POT1: variants seen among roughly 807,000 people sequenced by gnomAD.
POT1 encodes the protein protection of telomeres 1, also known as protection of telomeres protein 1.
Under a neutral mutation model 78.5 loss-of-function variants are expected in POT1, and 47 were observed. That is an observed-to-expected ratio of 0.60 (90% CI 0.47 to 0.76). The LOEUF is 0.76. Ranked by LOEUF, POT1 falls within the 30% of genes least tolerant of loss-of-function variation. POT1 has a pLI of 0.00. For synonymous variants in POT1, 259 were observed against 260.7 expected, an observed-to-expected ratio of 0.99 and a Z score of 0.06; for missense variants, 646 against 749.9, an observed-to-expected ratio of 0.86 and a Z score of 1.62.
intron 16 of POT1, among the ~76,000 whole-genome samples, chr7:124,828,424 T>C (rs1048741075): frequency 1.3e-5 from 2 of 152,310 alleles, no homozygotes; most frequent in East Asian, 3.9e-4. Flanking sequence ...TTATAGAATG[T>C]TTTATTAGCT....
chr7:124,894,712 C>T (rs1202272167), intron 5 of POT1, among the ~76,000 whole-genome samples: 1 of 151,488 alleles, frequency 6.6e-6, no homozygotes, highest in Non-Finnish European at 1.5e-5. Context: ...AGCCAATTTG[C>T]CTCCCTTGCT....
intron 3 of POT1, among the ~76,000 whole-genome samples, chr7:124,903,599 A>T (rs578040457): frequency 6.6e-6 from 1 of 152,338 alleles, no homozygotes; most frequent in African/African-American, 2.4e-5. Context: ...ACACCCTAAC[A>T]TCACAATTAA....
rs1299111656 is a variant in POT1 at position 124,890,015 on chromosome 7, T to C, written c.124+2251A>G. ...ACCTTTTATAAGGCTATACCCACCA[T>C]AGATAGCAATCCTTCTGATGGACTG... On this transcript the variant is annotated intron_variant, in intron 6 of 18. Transcript: ENST00000357628. Among the ~76,000 whole-genome samples the C allele has an allele frequency of 2.6e-5, 4 of 151,952 alleles. No individual in the cohort carries two copies. In the South Asian group the frequency reaches 6.2e-4, roughly 24 times the overall value.
At chr7:124,916,276 T>C (rs1393832687) in intron 2 of POT1, among the ~76,000 whole-genome samples, 3 of 152,152 alleles carry the variant, frequency 2.0e-5, no homozygotes, top group African/African-American at 7.2e-5. Context: ...ATTTTACTTA[T>C]AAAATAGGAC....
At chr7:124,845,383 T>G (rs111457654) in intron 12 of POT1, among the ~76,000 whole-genome samples, 4 of 152,162 alleles carry the variant, frequency 2.6e-5, no homozygotes, top group Non-Finnish European at 5.9e-5. Flanking sequence ...AAACACCAAT[T>G]TGGGTGTTGT....
At chr7:124,883,028 T>C (rs1323291768) in intron 6 of POT1, among the ~76,000 whole-genome samples, 1 of 152,050 alleles carries the variant, frequency 6.6e-6, no homozygotes, top group African/African-American at 2.4e-5. Context: ...TTGTCTCAAC[T>C]ACCCAAATCT....
chr7:124,904,049 A>G (rs989599437), intron 3 of POT1, among the ~76,000 whole-genome samples: 1 of 152,210 alleles, frequency 6.6e-6, no homozygotes, highest in Non-Finnish European at 1.5e-5. Flanking sequence ...AAAAAAGTCC[A>G]GGACCAGACA....
intron 15 of POT1, among the ~76,000 whole-genome samples, chr7:124,833,340 C>A (rs1047516658): frequency 2.0e-5 from 3 of 152,074 alleles, no homozygotes; most frequent in African/African-American, 7.2e-5. Context: ...ATTTTTCAAC[C>A]AGTATATAAT....
intron 3 of POT1, among the ~76,000 whole-genome samples, chr7:124,910,078 C>T (rs1796855654): frequency 6.6e-6 from 1 of 151,620 alleles, no homozygotes; most frequent in South Asian, 2.1e-4. Context: ...AGCATGTGCA[C>T]ATATATAGAC....
In POT1 at chr7:124,831,185, T is replaced by C. The variant is rs564935384; in HGVS notation, c.1506-1843A>G. 2.4e-4 allele frequency among the ~76,000 whole-genome samples: 36 copies of C among 152,304 alleles called. 1 individual carries two copies. The South Asian group carries it at 7.2e-3, about 31-fold the overall frequency. On this transcript the variant is annotated intron_variant, in intron 15 of 18. Coordinates refer to ENST00000357628, the MANE Select transcript of POT1 (RefSeq NM_015450.3). The stretch of plus-strand genomic sequence containing the variant: ...ACAGAAATAGACTAATACCAAGTGT[T>C]GGAGTGAACTTGGTAGAAACTAAAA...
chr7:124,904,894 T>G (rs929920636), intron 3 of POT1, among the ~76,000 whole-genome samples: 1 of 152,186 alleles, frequency 6.6e-6, no homozygotes, highest in South Asian at 2.1e-4. Flanking sequence ...CCATTCACAA[T>G]TGCTTCAAAG....
intron 18 of POT1, 58 bp downstream of exon 18, chr7:124,825,194 T>C (rs1481479566): frequency 1.8e-5 from 20 of 1,127,092 alleles, no homozygotes; most frequent in Non-Finnish European, 2.5e-5. Context: ...AGAGTACATA[T>C]ATGTTAGTGC....
At chr7:124,900,628 T>C (rs1796595363) in intron 3 of POT1, among the ~76,000 whole-genome samples, 1 of 151,986 alleles carries the variant, frequency 6.6e-6, no homozygotes, top group Non-Finnish European at 1.5e-5. Context: ...ACTGAGGTAC[T>C]GGGGTCATCT....
At chr7:124,920,720 T>C (rs1312545595) in intron 2 of POT1, among the ~76,000 whole-genome samples, 1 of 152,056 alleles carries the variant, frequency 6.6e-6, no homozygotes, top group African/African-American at 2.4e-5. Context: ...CCATGAAAAA[T>C]ACATAAAAGC....
In POT1 at chr7:124,829,247, A is replaced by C. The variant is rs754448010; in HGVS notation, c.1594+7T>G. On this transcript the variant is annotated splice_region_variant and intron_variant, in intron 16 of 18. Transcript: ENST00000357628. ...TTAAAATTGCAGGGCATGGAAATTT[A>C]GCTAACCTTCTGCCACAGAAGAAGG... 23 of 1,571,244 alleles carry C rather than the reference A, an allele frequency of 1.5e-5. No individual in the cohort carries two copies. Among genetic ancestry groups the C allele is most frequent in the Non-Finnish European group, 1.7e-6 (2 of 1,144,142 alleles).
At chr7:124,888,275 T>C (rs967600786) in intron 6 of POT1, among the ~76,000 whole-genome samples, 1 of 152,102 alleles carries the variant, frequency 6.6e-6, no homozygotes, top group African/African-American at 2.4e-5. Context: ...TTGACCATAA[T>C]AAACGTGTGG....
intron 3 of POT1, among the ~76,000 whole-genome samples, chr7:124,902,368 T>A (rs996265239): frequency 7.2e-5 from 11 of 152,116 alleles, no homozygotes; most frequent in Non-Finnish European, 2.9e-5. Context: ...TTGGGGCCAA[T>A]ATTCAACATT....
At chr7:124,870,808 C>A (rs1795848729) in intron 7 of POT1, 103 bp downstream of exon 7, 1 of 947,474 alleles carries the variant, frequency 1.1e-6, no homozygotes, top group Admixed American at 3.4e-5. Flanking sequence ...AGCTTGCTGT[C>A]ATGTTCTAAC....
intron 3 of POT1, among the ~76,000 whole-genome samples, chr7:124,903,242 G>A (rs953564763): frequency 6.6e-5 from 10 of 151,988 alleles, no homozygotes; most frequent in South Asian, 2.1e-4. Context: ...GCACCACATC[G>A]CACTTACTCC....
Sources: allele counts gnomAD v4.1 joint callset (sites outside exome capture counted in the v4.1 genomes callset), GRCh38; gene constraint gnomAD v4.1.1; transcripts MANE v1.5; gene names NCBI Gene and HGNC (gene_info 2026-07-23, HGNC 2026-07-21).